Variants in SHISA9 observed in about 807,000 individuals in gnomAD.
SHISA9 encodes the protein protein shisa-9.
A neutral mutation model predicts 38.0 loss-of-function variants in SHISA9; 13 were observed. That is an observed-to-expected ratio of 0.34 (90% CI 0.22 to 0.54). The LOEUF (loss-of-function observed/expected upper bound fraction) is 0.54. SHISA9 is among the 20% of genes least tolerant of loss of function. The pLI is 0.91. For synonymous variants in SHISA9, 275 were observed against 242.0 expected (o/e 1.14, Z -1.27); for missense variants, 538 against 575.8 (o/e 0.93, Z 0.67).
At chr16:13,308,198 A>G in the SHISA9 span, among the ~76,000 whole-genome samples, 1 of 122,404 alleles carries the variant, frequency 8.2e-6, no homozygotes, top group Non-Finnish European at 1.7e-5. Flanking sequence ...CGCACACGAC[A>G]TCAAATTGTA....
the SHISA9 span, among the ~76,000 whole-genome samples, chr16:13,439,141 C>T: frequency 6.6e-6 from 1 of 152,170 alleles, no homozygotes; most frequent in Admixed American, 6.5e-5. Context: ...AGAGAGCTCA[C>T]ATAAGAGCAA....
the SHISA9 span, among the ~76,000 whole-genome samples, chr16:13,360,953 C>T: frequency 4.7e-4 from 71 of 152,288 alleles, 1 homozygote; most frequent in East Asian, 3.9e-4. Flanking sequence ...TCATCCTTCC[C>T]CTTCTCACTT....
At chr16:13,249,922 C>A in the SHISA9 span, among the ~76,000 whole-genome samples, 3 of 152,010 alleles carry the variant, frequency 2.0e-5, no homozygotes, top group African/African-American at 7.3e-5. Context: ...TTTGTAGAGC[C>A]AGGGTTTTGC....
At chr16:13,531,622 C>T in the SHISA9 span, among the ~76,000 whole-genome samples, 1 of 152,116 alleles carries the variant, frequency 6.6e-6, no homozygotes, top group African/African-American at 2.4e-5. Context: ...AGCTGCTAAA[C>T]AAAGTCAAGG....
At chr16:12,918,499 T>C (rs1203767252) in intron 2 of SHISA9, among the ~76,000 whole-genome samples, 1 of 152,238 alleles carries the variant, frequency 6.6e-6, no homozygotes, top group East Asian at 1.9e-4. Flanking sequence ...GTCACCTAAG[T>C]TTCATCATTC....
At chr16:12,987,656 G>T (rs1375019991) in intron 2 of SHISA9, among the ~76,000 whole-genome samples, 1 of 152,136 alleles carries the variant, frequency 6.6e-6, no homozygotes, top group African/African-American at 2.4e-5. Context: ...TTAATACCTA[G>T]GGCTGATAGG....
the SHISA9 span, among the ~76,000 whole-genome samples, chr16:13,327,818 G>A: frequency 6.6e-6 from 1 of 151,916 alleles, no homozygotes; most frequent in African/African-American, 2.4e-5. Flanking sequence ...CACCACGCCT[G>A]GCTAATTTTT....
At chr16:12,971,225 A>T (rs1306139826) in intron 2 of SHISA9, among the ~76,000 whole-genome samples, 1 of 152,130 alleles carries the variant, frequency 6.6e-6, no homozygotes, top group Non-Finnish European at 1.5e-5. Context: ...CCCCCCTCCA[A>T]ATCAGGACTC....
At chr16:13,007,420 C>A (rs551319916) in intron 2 of SHISA9, among the ~76,000 whole-genome samples, 2 of 152,314 alleles carry the variant, frequency 1.3e-5, no homozygotes, top group Admixed American at 1.3e-4. Context: ...CTTTTCCCCA[C>A]CCTCTTTGCA....
intron 2 of SHISA9, among the ~76,000 whole-genome samples, chr16:13,181,294 TATATATATATATATATATACAC>T (rs1331533123): frequency 0.046 from 2,167 of 47,444 alleles, 33 homozygotes; most frequent in Non-Finnish European, 0.056. Context: ...TATATATATA[TATATATATATATATATATACAC>T]ACACACACAC....
intron 2 of SHISA9, among the ~76,000 whole-genome samples, chr16:13,011,368 A>G (rs1198873808): frequency 7.3e-6 from 1 of 137,448 alleles, no homozygotes; most frequent in Non-Finnish European, 1.5e-5. Flanking sequence ...CTCATTTAGC[A>G]CAAATCCCCA....
intron 2 of SHISA9, among the ~76,000 whole-genome samples, chr16:12,965,705 T>C (rs187228704): frequency 6.6e-6 from 1 of 152,314 alleles, no homozygotes; most frequent in African/African-American, 2.4e-5. Flanking sequence ...GTGGCCTTGG[T>C]GTTTTCGAGT....
the SHISA9 span, among the ~76,000 whole-genome samples, chr16:13,455,817 G>T: frequency 6.6e-6 from 1 of 152,142 alleles, no homozygotes; most frequent in Non-Finnish European, 1.5e-5. Flanking sequence ...TCATTCTCCT[G>T]TTTGAAGAAA....
chr16:13,374,031 A>G, the SHISA9 span, among the ~76,000 whole-genome samples: 1 of 152,210 alleles, frequency 6.6e-6, no homozygotes, highest in Non-Finnish European at 1.5e-5. Context: ...CAGAGACATG[A>G]ATCATGATGC....
At chr16:13,554,029 T>C in the SHISA9 span, among the ~76,000 whole-genome samples, 1 of 152,142 alleles carries the variant, frequency 6.6e-6, no homozygotes, top group Non-Finnish European at 1.5e-5. Flanking sequence ...CTATGAGTGT[T>C]CTGGGAGAAT....
intron 2 of SHISA9, among the ~76,000 whole-genome samples, chr16:13,107,455 C>A (rs1419613877): frequency 1.4e-5 from 2 of 140,460 alleles, no homozygotes; most frequent in African/African-American, 5.4e-5. Flanking sequence ...AACAAACAAA[C>A]AAACAAAAAA....
intron 2 of SHISA9, among the ~76,000 whole-genome samples, chr16:13,115,052 T>G (rs2141971322): frequency 6.6e-6 from 1 of 152,282 alleles, no homozygotes; most frequent in South Asian, 2.1e-4. Flanking sequence ...TCATCACCAT[T>G]ATCATATTTA....
At chr16:13,458,694 T>C in the SHISA9 span, 1 of 249,156 alleles carries the variant, frequency 4.0e-6, no homozygotes, top group East Asian at 1.5e-4. Flanking sequence ...ATCTTGAGGA[T>C]GTAAAAAAAA....
chr16:13,367,469 A>T, the SHISA9 span, among the ~76,000 whole-genome samples: 5 of 151,838 alleles, frequency 3.3e-5, no homozygotes, highest in South Asian at 8.3e-4. Context: ...ATTTTTCAGA[A>T]CAGGAAGCCA....
Sources: gnomAD v4.1 joint callset for allele counts (sites outside exome capture counted in the v4.1 genomes callset) on GRCh38, gnomAD v4.1.1 for gene constraint, MANE v1.5 for transcripts, NCBI Gene and HGNC (gene_info 2026-07-23, HGNC 2026-07-21) for gene names.